The following SLC14A2 variants were observed in gnomAD, a reference collection of about 807,000 sequenced individuals.
SLC14A2 encodes solute carrier family 14 member 2, also known as urea transporter 2.
In SLC14A2, 91 loss-of-function variants were observed where a neutral mutation model predicts 104.6. That is an observed-to-expected ratio of 0.87 (90% confidence interval 0.73 to 1.04). The LOEUF (loss-of-function observed/expected upper bound fraction) is 1.04. SLC14A2 is among the 50% of genes least tolerant of loss of function. SLC14A2 has a pLI of 0.00. For synonymous variants in SLC14A2, 476 were observed against 466.4 expected, an observed-to-expected ratio of 1.02 and a Z score of -0.27; for missense variants, 1,189 against 1,156.0, an observed-to-expected ratio of 1.03 and a Z score of -0.41.
At chr18:45,490,983 G>A (rs1232475434) in intron 2 of SLC14A2, among the ~76,000 whole-genome samples, 5 of 152,168 alleles carry the variant, frequency 3.3e-5, no homozygotes, top group African/African-American at 7.2e-5. Context: ...GTTTTTATGG[G>A]AAATGGGCAC....
chr18:45,527,603 G>A (rs1395218983), intron 2 of SLC14A2, among the ~76,000 whole-genome samples: 2 of 152,204 alleles, frequency 1.3e-5, no homozygotes, highest in Non-Finnish European at 2.9e-5. Flanking sequence ...GATATGGGAA[G>A]GATGTGGCAT....
At chr18:45,467,856 G>T (rs750876623) in intron 1 of SLC14A2, among the ~76,000 whole-genome samples, 2 of 152,216 alleles carry the variant, frequency 1.3e-5, no homozygotes, top group Admixed American at 1.3e-4. Context: ...TGAATTAGCT[G>T]TCCTGGAGGA....
At chr18:45,386,928 A>G (rs1045427572) in intron 1 of SLC14A2, among the ~76,000 whole-genome samples, 4 of 152,238 alleles carry the variant, frequency 2.6e-5, no homozygotes, top group Admixed American at 6.5e-5. Flanking sequence ...GCAGCTTGTT[A>G]TTATTAGAAT....
chr18:45,209,292 G>T (rs923000841), upstream of SLC14A2, among the ~76,000 whole-genome samples: 1 of 151,038 alleles, frequency 6.6e-6, no homozygotes, highest in African/African-American at 2.4e-5. Context: ...GCAGTGAGCC[G>T]AGATCACACC....
At chr18:45,514,810 C>T (rs2043414451) in intron 2 of SLC14A2, among the ~76,000 whole-genome samples, 1 of 152,214 alleles carries the variant, frequency 6.6e-6, no homozygotes, top group Non-Finnish European at 1.5e-5. Context: ...ACCACAAACT[C>T]ACTTTTGCTT....
At chr18:45,590,929 A>G (rs1012984805) in intron 2 of SLC14A2, among the ~76,000 whole-genome samples, 8 of 152,192 alleles carry the variant, frequency 5.3e-5, no homozygotes, top group Admixed American at 4.6e-4. Flanking sequence ...AAGTCGCCCA[A>G]TGTCTCACAA....
At chr18:45,171,304 G>T in the SLC14A2 span, among the ~76,000 whole-genome samples, 9 of 151,964 alleles carry the variant, frequency 5.9e-5, no homozygotes, top group African/African-American at 2.2e-4. Flanking sequence ...TTATCCTAGG[G>T]CTTCGTGGAT....
chr18:45,666,602 T>TAAAAAAA (rs5824604), intron 12 of SLC14A2, among the ~76,000 whole-genome samples: 99 of 146,042 alleles, frequency 6.8e-4, no homozygotes, highest in African/African-American at 2.1e-3. Context: ...GTATTAATGT[T>TAAAAAAA]AAAAAAAAAA....
intron 1 of SLC14A2, among the ~76,000 whole-genome samples, chr18:45,310,439 A>T (rs887084713): frequency 1.2e-4 from 19 of 152,232 alleles, no homozygotes; most frequent in Admixed American, 7.9e-4. Flanking sequence ...TAGCATGTAG[A>T]AAACTAAATT....
chr18:45,499,524 T>C (rs529025344), intron 2 of SLC14A2, among the ~76,000 whole-genome samples: 8 of 152,242 alleles, frequency 5.3e-5, no homozygotes, highest in Non-Finnish European at 1.0e-4. Flanking sequence ...ACCAAAGTTA[T>C]CTCCTCTATA....
chr18:45,231,935 C>T (rs896815979), intron 1 of SLC14A2, among the ~76,000 whole-genome samples: 5 of 152,020 alleles, frequency 3.3e-5, no homozygotes, highest in Non-Finnish European at 7.4e-5. Context: ...AGAAGAAACA[C>T]AGGCTGCTCT....
At chr18:45,558,821 T>C (rs1476470156) in intron 2 of SLC14A2, among the ~76,000 whole-genome samples, 1 of 151,454 alleles carries the variant, frequency 6.6e-6, no homozygotes, top group Non-Finnish European at 1.5e-5. Context: ...AGACGGAGTC[T>C]CACTCTGTCG....
At chr18:45,402,489 C>T (rs1351286016) in intron 1 of SLC14A2, among the ~76,000 whole-genome samples, 1 of 152,168 alleles carries the variant, frequency 6.6e-6, no homozygotes, top group Non-Finnish European at 1.5e-5. Flanking sequence ...CATTTCTTTT[C>T]CTAATCAGGT....
intron 2 of SLC14A2, among the ~76,000 whole-genome samples, chr18:45,509,691 C>T (rs1438145244): frequency 6.6e-6 from 1 of 152,162 alleles, no homozygotes; most frequent in East Asian, 1.9e-4. Context: ...CACTCTGCAC[C>T]CTGTGGGCCC....
At chr18:45,616,822 G>A (rs1027971078) in intron 1 of SLC14A2, among the ~76,000 whole-genome samples, 2 of 152,180 alleles carry the variant, frequency 1.3e-5, no homozygotes, top group African/African-American at 4.8e-5. Context: ...TAAGGACCGG[G>A]TGCAGTGGCT....
At chr18:45,430,386 C>T (rs554795943) in intron 1 of SLC14A2, among the ~76,000 whole-genome samples, 56 of 152,236 alleles carry the variant, frequency 3.7e-4, no homozygotes, top group African/African-American at 1.3e-3. Context: ...ATCCCATATG[C>T]TCATGGCTAT....
intron 4 of SLC14A2, among the ~76,000 whole-genome samples, chr18:45,630,302 C>A (rs2045323574): frequency 2.0e-5 from 3 of 152,206 alleles, no homozygotes; most frequent in South Asian, 2.1e-4. Flanking sequence ...CACGAGCTCA[C>A]TGCTGTACAC....
At chr18:45,573,644 C>G (rs2044379951) in intron 2 of SLC14A2, among the ~76,000 whole-genome samples, 1 of 152,144 alleles carries the variant, frequency 6.6e-6, no homozygotes, top group African/African-American at 2.4e-5. Context: ...GAAGCCAGAC[C>G]ACCCATACTC....
At chr18:45,366,111 A>G (rs992419571) in intron 1 of SLC14A2, among the ~76,000 whole-genome samples, 1 of 152,136 alleles carries the variant, frequency 6.6e-6, no homozygotes, top group African/African-American at 2.4e-5. Context: ...AGGACCTACC[A>G]TGAAGCAGAG....
Sources: gnomAD v4.1 joint callset for allele counts (sites outside exome capture counted in the v4.1 genomes callset) on GRCh38, gnomAD v4.1.1 for gene constraint, MANE v1.5 for transcripts, NCBI Gene and HGNC (gene_info 2026-07-23, HGNC 2026-07-21) for gene names.